Variants in BMP6 observed in about 807,000 individuals in gnomAD.
The protein encoded by BMP6 is bone morphogenetic protein 6.
A neutral mutation model predicts 54.1 loss-of-function variants in BMP6; 17 were observed. The ratio of observed to expected loss-of-function variants is 0.31; its 90% CI spans 0.22 to 0.47. The LOEUF (loss-of-function observed/expected upper bound fraction) is 0.47, where lower values mean the gene tolerates loss of function less well. BMP6 is among the 20% of genes least tolerant of loss of function. BMP6 has a pLI of 1.00. For synonymous variants in BMP6, 328 were observed against 291.2 expected (o/e 1.13, Z -1.28); for missense variants, 720 against 690.4 (o/e 1.04, Z -0.48).
intron 2 of BMP6, among the ~76,000 whole-genome samples, chr6:7,851,398 A>G (rs1480833493): frequency 6.6e-6 from 1 of 152,188 alleles, no homozygotes; most frequent in Non-Finnish European, 1.5e-5. Flanking sequence ...TTCAGTGCCA[A>G]ATTGGTTTTT....
chr6:7,738,867 A>G (rs1030779713), intron 1 of BMP6, among the ~76,000 whole-genome samples: 2 of 151,862 alleles, frequency 1.3e-5, no homozygotes, highest in Admixed American at 6.6e-5. Context: ...TGAAATCATC[A>G]CTCCCAACAC....
intron 1 of BMP6, among the ~76,000 whole-genome samples, chr6:7,744,117 G>A (rs749772924): frequency 6.6e-6 from 1 of 152,130 alleles, no homozygotes; most frequent in Non-Finnish European, 1.5e-5. Context: ...GCTTTATCAG[G>A]TATCTATTCT....
At chr6:7,784,794 G>A (rs2113173919) in intron 1 of BMP6, among the ~76,000 whole-genome samples, 1 of 152,282 alleles carries the variant, frequency 6.6e-6, no homozygotes, top group South Asian at 2.1e-4. Flanking sequence ...GAGCAGCTGA[G>A]GAAAGGAGGG....
Position 7,879,138 on chromosome 6 carries a change from C to G in BMP6, c.1269C>G (p.Asp423Glu). ...RKHELYVSFQ[D>E]LGWQDWIIAP... is the part of the protein sequence containing the mutation. ...ATGAGCTGTATGTGAGTTTCCAAGACCTGGGATGGCAGGTGAGTTCTCTGG... is the reference window on the plus strand; with the variant it reads ...ATGAGCTGTATGTGAGTTTCCAAGAGCTGGGATGGCAGGTGAGTTCTCTGG... The change falls in exon 5 of 7, where the codon GAC becomes GAG. Residue 423 changes from aspartate (D) to glutamate (E), a missense_variant. This residue lies in a region of BMP6 where 27 missense variants were observed against 80.1 expected (regional missense o/e 0.34). Transcript: ENST00000283147. 1 of 1,614,038 alleles carries G rather than the reference C, an allele frequency of 6.2e-7. No individual in the cohort carries two copies. Among genetic ancestry groups the G allele is most frequent in the Non-Finnish European group, 8.5e-7 (1 of 1,179,874 alleles).
At chr6:7,807,526 A>G (rs1453215538) in intron 1 of BMP6, among the ~76,000 whole-genome samples, 6 of 152,006 alleles carry the variant, frequency 3.9e-5, no homozygotes, top group South Asian at 2.1e-4. Flanking sequence ...TGATCCGCCC[A>G]CCTTGGCCTC....
intron 2 of BMP6, among the ~76,000 whole-genome samples, chr6:7,847,638 AG>A (rs748286045): frequency 2.6e-5 from 4 of 152,198 alleles, no homozygotes; most frequent in Non-Finnish European, 4.4e-5. Flanking sequence ...AAACAGAGTC[AG>A]GGTTTTAAAT....
intron 1 of BMP6, among the ~76,000 whole-genome samples, chr6:7,842,020 T>C (rs533899568): frequency 6.6e-6 from 1 of 152,174 alleles, no homozygotes; most frequent in Admixed American, 6.5e-5. Context: ...ACAACACTTA[T>C]CCTTAAAAGT....
At chr6:7,841,050 C>T (rs945128019) in intron 1 of BMP6, among the ~76,000 whole-genome samples, 1 of 152,220 alleles carries the variant, frequency 6.6e-6, no homozygotes, top group Non-Finnish European at 1.5e-5. Flanking sequence ...CAATGATTAT[C>T]ACAGCTAACA....
At chr6:7,783,688 C>T (rs1254659268) in intron 1 of BMP6, among the ~76,000 whole-genome samples, 4 of 152,186 alleles carry the variant, frequency 2.6e-5, no homozygotes, top group African/African-American at 9.7e-5. Context: ...GTTCACAGCC[C>T]GAGATTATGT....
chr6:7,800,998 G>A (rs1429710703), intron 1 of BMP6, among the ~76,000 whole-genome samples: 1 of 151,968 alleles, frequency 6.6e-6, no homozygotes, highest in African/African-American at 2.4e-5. Context: ...GCTTGCTGCA[G>A]GTACCTAAGT....
chr6:7,810,250 C>T (rs1270691509), intron 1 of BMP6, among the ~76,000 whole-genome samples: 2 of 152,108 alleles, frequency 1.3e-5, no homozygotes, highest in Non-Finnish European at 2.9e-5. Context: ...TGTGGGATAA[C>T]CCCCCAACCC....
intron 1 of BMP6, among the ~76,000 whole-genome samples, chr6:7,728,588 C>T (rs75687008): frequency 0.018 from 2,740 of 152,308 alleles, 81 homozygotes; most frequent in African/African-American, 0.063. Flanking sequence ...GAGTCAGTGC[C>T]TCCGGTTTGC....
intron 1 of BMP6, among the ~76,000 whole-genome samples, chr6:7,748,530 C>A (rs947265950): frequency 6.6e-6 from 1 of 152,194 alleles, no homozygotes; most frequent in South Asian, 2.1e-4. Flanking sequence ...TTGAGCAGCT[C>A]ATGCTTATGA....
At chr6:7,733,676 C>T (rs1158562759) in intron 1 of BMP6, among the ~76,000 whole-genome samples, 6 of 152,198 alleles carry the variant, frequency 3.9e-5, no homozygotes, top group Admixed American at 6.5e-5. Flanking sequence ...GTTTTCATCA[C>T]GACAGCGGAG....
At chr6:7,767,087 C>T (rs918528056) in intron 1 of BMP6, among the ~76,000 whole-genome samples, 4 of 151,426 alleles carry the variant, frequency 2.6e-5, no homozygotes, top group East Asian at 1.9e-4. Context: ...CCCGGGTTCA[C>T]GCCATTCTCC....
intron 1 of BMP6, among the ~76,000 whole-genome samples, chr6:7,765,663 G>A (rs1757675804): frequency 6.6e-6 from 1 of 152,208 alleles, no homozygotes; most frequent in South Asian, 2.1e-4. Context: ...GTTTCTTGTG[G>A]CTGCTGTCAC....
chr6:7,823,957 T>C (rs1352526173), intron 1 of BMP6, among the ~76,000 whole-genome samples: 13 of 152,144 alleles, frequency 8.5e-5, no homozygotes, highest in Admixed American at 7.9e-4. Flanking sequence ...TATCATCTGG[T>C]TTATATTTTA....
At chr6:7,803,751 T>TC (rs1758306768) in intron 1 of BMP6, among the ~76,000 whole-genome samples, 1 of 152,212 alleles carries the variant, frequency 6.6e-6, no homozygotes, top group South Asian at 2.1e-4. Context: ...CATTTTTTTT[T>TC]CACATTTAAC....
chr6:7,844,855 GA>G (rs1759035685), intron 1 of BMP6, among the ~76,000 whole-genome samples: 1 of 152,296 alleles, frequency 6.6e-6, no homozygotes, highest in Admixed American at 6.5e-5. Flanking sequence ...TTTAACGCAA[GA>G]GTTTTCATAA....
Sources: allele counts gnomAD v4.1 joint callset (sites outside exome capture counted in the v4.1 genomes callset), GRCh38; gene constraint gnomAD v4.1.1; regional missense constraint gnomAD v4.1.1; transcripts MANE v1.5; gene names NCBI Gene and HGNC (gene_info 2026-07-23, HGNC 2026-07-21).